ZSWIM6: variants seen among roughly 807,000 people sequenced by gnomAD.
ZSWIM6 encodes the protein zinc finger SWIM-type containing 6.
Under a neutral mutation model 113.2 loss-of-function variants are expected in ZSWIM6, and 9 were observed. The observed-to-expected ratio is 0.08, with a 90% CI of 0.05 to 0.14. The LOEUF (loss-of-function observed/expected upper bound fraction) is 0.14. Among genes scored for constraint, ZSWIM6 ranks in the 10% least tolerant of loss-of-function variants. ZSWIM6 has a pLI of 1.00. For synonymous variants in ZSWIM6, 611 were observed against 606.5 expected, an observed-to-expected ratio of 1.01 and a Z score of -0.11; for missense variants, 1,162 against 1,552.2, an observed-to-expected ratio of 0.75 and a Z score of 4.22.
At chr5:61,426,063 G>A (rs1746457047) in intron 1 of ZSWIM6, among the ~76,000 whole-genome samples, 2 of 152,136 alleles carry the variant, frequency 1.3e-5, no homozygotes, top group African/African-American at 2.4e-5. Context: ...ACTCAGCTAT[G>A]GAAACCTGGA....
chr5:61,394,103 A>G (rs1745789448), intron 1 of ZSWIM6, among the ~76,000 whole-genome samples: 1 of 152,198 alleles, frequency 6.6e-6, no homozygotes, highest in Admixed American at 6.5e-5. Flanking sequence ...TATTTCTATT[A>G]CAGAGCAGCC....
chr5:61,361,422 C>T (rs1318961126), intron 1 of ZSWIM6, among the ~76,000 whole-genome samples: 10 of 152,054 alleles, frequency 6.6e-5, no homozygotes, highest in Admixed American at 3.9e-4. Flanking sequence ...TTTTAAGGCC[C>T]GTTTTTCAGT....
intron 4 of ZSWIM6, among the ~76,000 whole-genome samples, chr5:61,500,939 G>A (rs974603143): frequency 1.3e-5 from 2 of 152,082 alleles, no homozygotes; most frequent in African/African-American, 2.4e-5. Context: ...GGCTCTGTAG[G>A]CTCTGCAGAC....
chr5:61,398,878 C>CA (rs2112100515), intron 1 of ZSWIM6, among the ~76,000 whole-genome samples: 1 of 141,554 alleles, frequency 7.1e-6, no homozygotes, highest in South Asian at 2.3e-4. Flanking sequence ...AATGGTAGGG[C>CA]AGGGGGCTGA....
chr5:61,442,139 A>G (rs1323208800), intron 1 of ZSWIM6, among the ~76,000 whole-genome samples: 1 of 152,122 alleles, frequency 6.6e-6, no homozygotes, highest in Non-Finnish European at 1.5e-5. Context: ...CTCATTATTC[A>G]GATGTGGTGA....
intron 5 of ZSWIM6, among the ~76,000 whole-genome samples, chr5:61,523,704 T>G (rs1318517168): frequency 6.6e-6 from 1 of 152,234 alleles, no homozygotes; most frequent in Non-Finnish European, 1.5e-5. Context: ...AACCAAATTT[T>G]TAATTGTATA....
chr5:61,336,874 CA>C (rs1222865688), intron 1 of ZSWIM6, among the ~76,000 whole-genome samples: 12 of 152,108 alleles, frequency 7.9e-5, no homozygotes, highest in African/African-American at 2.9e-4. Context: ...AGAAAACTTA[CA>C]AAAATTGTCA....
rs112442132 is a variant in ZSWIM6 at position 61,541,820 on chromosome 5, C to T, written c.2704-64C>T. 6.9e-3 allele frequency: 9,296 copies of T among 1,351,756 alleles called. 484 individuals are homozygous for T. In the African/African-American group the frequency reaches 0.11, roughly 16 times the overall value. The allele number at this position is 1,351,756 out of a possible 1,614,324, so 83.7% of individuals were successfully genotyped here. A position where few individuals can be genotyped will look rare whatever the true frequency, so the allele number is the denominator to read the frequency against. Reference sequence around the variant, plus strand: ...GCCTTATATGCCTTATAGTTTATCCCCCCCCTTTTTTTTCATTGACTCAGG... The same window carrying T: ...GCCTTATATGCCTTATAGTTTATCCTCCCCCTTTTTTTTCATTGACTCAGG... On this transcript the variant is annotated intron_variant, in intron 12 of 13. Transcript: ENST00000252744.
chr5:61,520,681 A>T (rs978611160), intron 4 of ZSWIM6, among the ~76,000 whole-genome samples: 43 of 152,272 alleles, frequency 2.8e-4, no homozygotes, highest in African/African-American at 9.9e-4. Flanking sequence ...ATAAATATGC[A>T]TACTAATTAA....
At position 61,332,357 on chromosome 5, in the gene ZSWIM6, G is replaced by C. The variant is rs963100061; in HGVS notation, c.85G>C (p.Gly29Arg). Residue 29 changes from glycine (G) to arginine (R), a missense_variant, in exon 1 of 14, where the codon GGC becomes CGC. By Grantham distance (125) the Gly-to-Arg change is moderately radical. Around this residue, in one of 4 missense-constraint regions of ZSWIM6, gnomAD observed 333 missense variants for 293.4 expected, o/e 1.13. Transcript: ENST00000252744. ...CGGCGGCGGCGGCGGGGGCAGCAGC[G>C]GCGGCGGCGGCGGCGCGGGTGGCGG... is the stretch of plus-strand genomic sequence containing the variant. ...GGGGGGGGSS[G>R]GGGGAGGGYS... is the part of the protein sequence containing the mutation. 1 of 937,056 alleles carries C rather than the reference G, an allele frequency of 1.1e-6. No individual in the cohort carries two copies. 58.0% of individuals were successfully genotyped at this position (937,056 alleles called of 1,614,324 possible).
chr5:61,544,403 T>C lies in ZSWIM6; in HGVS notation c.*86T>C. The C allele has an allele frequency of 1.1e-6, 1 of 919,404 alleles. No individual in the cohort carries two copies. The highest frequency in any genetic ancestry group is 1.6e-6 in the Non-Finnish European group (1 of 608,946). 57.0% of individuals were successfully genotyped at this position (919,404 alleles called of 1,614,324 possible). On this transcript the variant is annotated 3_prime_UTR_variant, in exon 14 of 14. Coordinates refer to ENST00000252744, the MANE Select transcript of ZSWIM6 (RefSeq NM_020928.2). ...GCCTGCCTTTGTACCCTTTTTAACT[T>C]AAAGAACAGAGCCACACCGGTATTA...
intron 11 of ZSWIM6, 21 bp downstream of exon 11, chr5:61,538,992 C>G: frequency 6.7e-7 from 1 of 1,481,972 alleles, no homozygotes; most frequent in Non-Finnish European, 9.0e-7. Context: ...GTCCTGAGGC[C>G]TCATAATTGT....
chr5:61,470,639 T>C (rs780864477), intron 1 of ZSWIM6, among the ~76,000 whole-genome samples: 48 of 152,152 alleles, frequency 3.2e-4, no homozygotes, highest in Non-Finnish European at 6.3e-4. Flanking sequence ...AAGTTGTTGA[T>C]TAAAAGAGAT....
At chr5:61,454,124 T>G (rs1172797163) in intron 1 of ZSWIM6, among the ~76,000 whole-genome samples, 1 of 152,128 alleles carries the variant, frequency 6.6e-6, no homozygotes, top group Non-Finnish European at 1.5e-5. Flanking sequence ...ATTCTTTGAG[T>G]TGTAATCTAA....
intron 1 of ZSWIM6, among the ~76,000 whole-genome samples, chr5:61,362,743 A>G (rs1266794833): frequency 6.6e-6 from 1 of 152,146 alleles, no homozygotes; most frequent in African/African-American, 2.4e-5. Flanking sequence ...TGATGACTGC[A>G]GTTTTTATTT....
intron 1 of ZSWIM6, among the ~76,000 whole-genome samples, chr5:61,363,964 TCCTTCCTC>T (rs1333713488): frequency 1.3e-5 from 2 of 149,892 alleles, no homozygotes; most frequent in African/African-American, 4.9e-5. Context: ...TCTCCTTCCT[TCCTTCCTC>T]CCTCCCTCCC....
chr5:61,502,860 G>A (rs1423308722), intron 4 of ZSWIM6, among the ~76,000 whole-genome samples: 2 of 152,146 alleles, frequency 1.3e-5, no homozygotes, highest in Non-Finnish European at 2.9e-5. Context: ...ATGATCTGAG[G>A]TGGAATAGTT....
chr5:61,542,553 A>G (rs1029896209), intron 13 of ZSWIM6, among the ~76,000 whole-genome samples: 1 of 152,202 alleles, frequency 6.6e-6, no homozygotes, highest in Non-Finnish European at 1.5e-5. Context: ...TTCTTTTTTC[A>G]TATTTGCATC....
intron 1 of ZSWIM6, among the ~76,000 whole-genome samples, chr5:61,467,280 T>C (rs553591206): frequency 3.9e-4 from 60 of 152,264 alleles, no homozygotes; most frequent in African/African-American, 1.4e-3. Flanking sequence ...ACATAATATA[T>C]CTTTATTAAA....
Sources: gnomAD v4.1 joint callset for allele counts (sites outside exome capture counted in the v4.1 genomes callset) on GRCh38, gnomAD v4.1.1 for gene constraint, gnomAD v4.1.1 regional missense constraint, MANE v1.5 for transcripts, NCBI Gene and HGNC (gene_info 2026-07-23, HGNC 2026-07-21) for gene names.